The following NRXN3 variants were observed in gnomAD, a reference collection of about 807,000 sequenced individuals.
The protein encoded by NRXN3 is neurexin 3, also known as neurexin III.
A neutral mutation model predicts 137.6 loss-of-function variants in NRXN3; 32 were observed. The ratio of observed to expected loss-of-function variants is 0.23; its 90% CI spans 0.18 to 0.31. The LOEUF (loss-of-function observed/expected upper bound fraction) is 0.31. NRXN3 is among the 10% of genes least tolerant of loss of function. NRXN3 has a pLI of 1.00. For missense variants in NRXN3, 1,574 were observed against 2,062.5 expected (o/e 0.76, Z 4.59); for synonymous variants, 798 against 784.5 (o/e 1.02, Z -0.29).
intron 10 of NRXN3, among the ~76,000 whole-genome samples, chr14:78,917,580 A>G (rs2099258911): frequency 6.6e-6 from 1 of 152,238 alleles, no homozygotes; most frequent in African/African-American, 2.4e-5. Flanking sequence ...ATAGCCATTT[A>G]AACAGAGTCT....
intron 15 of NRXN3, among the ~76,000 whole-genome samples, chr14:79,034,243 T>C (rs1431998967): frequency 6.6e-6 from 1 of 151,992 alleles, no homozygotes; most frequent in Non-Finnish European, 1.5e-5. Context: ...TAGAGGCCAC[T>C]TCAAAAATAG....
At chr14:78,431,803 C>A (rs1040170978) in intron 4 of NRXN3, among the ~76,000 whole-genome samples, 2 of 152,100 alleles carry the variant, frequency 1.3e-5, no homozygotes, top group Non-Finnish European at 2.9e-5. Context: ...TTTCTATAGG[C>A]AGTTACTGAA....
At chr14:78,341,951 G>C (rs1597519402) in intron 4 of NRXN3, among the ~76,000 whole-genome samples, 2 of 152,316 alleles carry the variant, frequency 1.3e-5, no homozygotes, top group Non-Finnish European at 2.9e-5. Context: ...GAGTAGGCCA[G>C]CTGGTTTTTA....
chr14:79,297,978 A>G (rs768633575), intron 15 of NRXN3, among the ~76,000 whole-genome samples: 3 of 152,004 alleles, frequency 2.0e-5, no homozygotes, highest in Non-Finnish European at 4.4e-5. Flanking sequence ...TTTAATTATC[A>G]CTTTTCTTTA....
At chr14:79,293,589 T>G (rs2083539682) in intron 15 of NRXN3, among the ~76,000 whole-genome samples, 1 of 152,240 alleles carries the variant, frequency 6.6e-6, no homozygotes, top group Non-Finnish European at 1.5e-5. Flanking sequence ...GCTTTCCAGG[T>G]GTCATCTGTT....
intron 15 of NRXN3, among the ~76,000 whole-genome samples, chr14:79,033,644 C>T (rs891724861): frequency 6.6e-6 from 1 of 152,000 alleles, no homozygotes; most frequent in African/African-American, 2.4e-5. Flanking sequence ...TTTTCCAAAC[C>T]GTTCAGATTA....
In NRXN3 at chr14:79,024,477, CT is replaced by C. The variant is rs1339765473; in HGVS notation, c.3262+36338del. Among the ~76,000 whole-genome samples the C allele has an allele frequency of 2.6e-5, 4 of 152,240 alleles. 1 individual carries two copies. Among genetic ancestry groups the C allele is most frequent in the African/African-American group, 9.6e-5 (4 of 41,530 alleles). The stretch of plus-strand genomic sequence containing the variant: ...CATCCACATATTCCATACCATGATC[CT>C]TAAAGAATACATGCACACACAGAAC... On this transcript the variant is annotated intron_variant, in intron 15 of 20. Coordinates refer to ENST00000335750, the MANE Select transcript of NRXN3 (RefSeq NM_001330195.2).
At chr14:79,271,298 G>A (rs1168086722) in intron 15 of NRXN3, among the ~76,000 whole-genome samples, 1 of 152,028 alleles carries the variant, frequency 6.6e-6, no homozygotes, top group African/African-American at 2.4e-5. Context: ...TGACATTTCT[G>A]AGTATGGCAA....
chr14:79,501,847 G>T (rs544239612), intron 16 of NRXN3, among the ~76,000 whole-genome samples: 3 of 152,084 alleles, frequency 2.0e-5, no homozygotes, highest in Non-Finnish European at 4.4e-5. Context: ...GGTGGATGTC[G>T]GAGAGGAAGG....
intron 15 of NRXN3, among the ~76,000 whole-genome samples, chr14:79,388,308 A>G (rs1021937177): frequency 3.3e-5 from 5 of 152,158 alleles, no homozygotes; most frequent in African/African-American, 4.8e-5. Context: ...TTTAAAAAAA[A>G]TAAATTACCC....
chr14:79,702,615 G>T (rs1338428652), intron 19 of NRXN3, among the ~76,000 whole-genome samples: 1 of 151,962 alleles, frequency 6.6e-6, no homozygotes, highest in Non-Finnish European at 1.5e-5. Flanking sequence ...GAGGGAGTTT[G>T]TGAGTAGCAA....
intron 8 of NRXN3, among the ~76,000 whole-genome samples, chr14:78,796,972 A>T (rs1595939868): frequency 1.3e-5 from 2 of 152,338 alleles, no homozygotes; most frequent in East Asian, 3.9e-4. Flanking sequence ...TTTGCTGAAC[A>T]TGAGGCAAGA....
intron 10 of NRXN3, among the ~76,000 whole-genome samples, chr14:78,947,090 T>A (rs971771631): frequency 2.0e-5 from 3 of 152,308 alleles, no homozygotes; most frequent in Admixed American, 2.0e-4. Flanking sequence ...AGAGTGATAG[T>A]TCTGCTAATC....
chr14:79,754,898 T>G (rs1294421834), intron 19 of NRXN3, among the ~76,000 whole-genome samples: 1 of 152,122 alleles, frequency 6.6e-6, no homozygotes, highest in African/African-American at 2.4e-5. Flanking sequence ...CGCTCTGCTC[T>G]TCCCTTCTTT....
intron 17 of NRXN3, among the ~76,000 whole-genome samples, chr14:79,670,332 C>A (rs1482284995): frequency 6.6e-6 from 1 of 151,958 alleles, no homozygotes; most frequent in Non-Finnish European, 1.5e-5. Context: ...GTTGGAGAGT[C>A]ATTAAAGGGT....
intron 1 of NRXN3, among the ~76,000 whole-genome samples, chr14:78,187,000 T>A (rs1371111440): frequency 6.6e-6 from 1 of 152,224 alleles, no homozygotes; most frequent in South Asian, 2.1e-4. Flanking sequence ...ATCTTGGACA[T>A]GTGCATGCTT....
chr14:79,476,019 A>G (rs948639708), intron 16 of NRXN3, among the ~76,000 whole-genome samples: 12 of 152,036 alleles, frequency 7.9e-5, no homozygotes, highest in Admixed American at 3.3e-4. Context: ...CTCCCTTAAC[A>G]CCATCAGTTG....
Position 79,539,844 on chromosome 14 carries a change from C to G in NRXN3, c.3444+72442C>G, listed in dbSNP as rs186625987. On this transcript the variant is annotated intron_variant, in intron 16 of 20. Coordinates refer to ENST00000335750, the MANE Select transcript of NRXN3 (RefSeq NM_001330195.2). ...TGGACACAGACTCTTCTGCCCTTCT[C>G]TTGCCTGTTCCTTGATTCCTCATGT... 2.2e-4 allele frequency among the ~76,000 whole-genome samples: 33 copies of G among 152,334 alleles called. 2 individuals are homozygous for G. The East Asian group carries it at 3.9e-3, about 18-fold the overall frequency.
intron 4 of NRXN3, among the ~76,000 whole-genome samples, chr14:78,443,211 A>C (rs1211780738): frequency 6.6e-6 from 1 of 152,232 alleles, no homozygotes; most frequent in African/African-American, 2.4e-5. Context: ...AGGTGTGCTC[A>C]AACTCAGCAG....
Sources: gnomAD v4.1 joint callset for allele counts (sites outside exome capture counted in the v4.1 genomes callset) on GRCh38, gnomAD v4.1.1 for gene constraint, MANE v1.5 for transcripts, NCBI Gene and HGNC (gene_info 2026-07-23, HGNC 2026-07-21) for gene names.